MYH9: variants seen among roughly 807,000 people sequenced by gnomAD.
MYH9 encodes the protein myosin heavy chain 9, also known as myosin-9.
MYH9 carries 29 observed loss-of-function variants against 241.9 expected under a neutral mutation model. The ratio of observed to expected loss-of-function variants is 0.12; its 90% confidence interval spans 0.09 to 0.16. MYH9 has a LOEUF of 0.16. Among genes scored for constraint, MYH9 ranks in the 10% least tolerant of loss-of-function variants. The pLI, the probability that MYH9 is intolerant of heterozygous loss-of-function variation, is 1.00. For missense variants in MYH9, 1,803 were observed against 2,595.5 expected (o/e 0.69, Z 6.63); for synonymous variants, 1,047 against 1,062.6 (o/e 0.99, Z 0.29).
chr22:36,328,928 G>C (rs908347775), intron 3 of MYH9: 1 of 152,348 alleles, frequency 6.6e-6, no homozygotes, highest in Non-Finnish European at 1.5e-5. Context: ...GACCAGCTAG[G>C]CTGCCTGCCT....
At position 36,303,929 on chromosome 22, in the gene MYH9, C is replaced by A. The variant is rs539651968; in HGVS notation, c.2390+66G>T. The A allele has an allele frequency of 9.4e-6, 15 of 1,593,898 alleles. No individual in the cohort carries two copies. In the African/African-American group the frequency reaches 1.9e-4, roughly 20 times the overall value. On this transcript the variant is annotated intron_variant, in intron 19 of 40. Coordinates refer to ENST00000216181, the MANE Select transcript of MYH9 (RefSeq NM_002473.6). ...CTGCAGCGGGGTGGCCTGCTAAGTG[C>A]CCTTTGGCAACAGAAGGGCGTGGCA...
chr22:36,360,769 A>G (rs940386548), intron 1 of MYH9, among the ~76,000 whole-genome samples: 6 of 152,054 alleles, frequency 3.9e-5, no homozygotes, highest in African/African-American at 1.4e-4. Context: ...CCATCCCAGG[A>G]ATATCCTGCA....
intron 1 of MYH9, among the ~76,000 whole-genome samples, chr22:36,349,535 G>C (rs1349402598): frequency 6.6e-6 from 1 of 152,158 alleles, no homozygotes; most frequent in Non-Finnish European, 1.5e-5. Flanking sequence ...TTCAAGACCA[G>C]CCTGGCCAAC....
At chr22:36,371,314 C>T (rs9610497) in intron 1 of MYH9, among the ~76,000 whole-genome samples, 58,807 of 151,916 alleles carry the variant, frequency 0.39, 14,185 homozygotes, top group Non-Finnish European at 0.55. Flanking sequence ...CCTTATAAGA[C>T]GAGGAAGAGA....
Position 36,320,529 on chromosome 22 carries a change from ACT to A in MYH9, c.869-168_869-167del, listed in dbSNP as rs1178501589. 2.0e-5 allele frequency among the ~76,000 whole-genome samples: 3 copies of A among 151,996 alleles called. No homozygotes were observed. The highest frequency in any genetic ancestry group is 7.3e-5 in the African/African-American group (3 of 41,364). ...CGTTCAGCTTTCCTCAGTGTCTGAGACTCTGACACTCCCGTCTCCTGGCCCAG... is the reference window on the plus strand; with the variant it reads ...CGTTCAGCTTTCCTCAGTGTCTGAGACTGACACTCCCGTCTCCTGGCCCAG... On this transcript the variant is annotated intron_variant, in intron 8 of 40. Coordinates refer to ENST00000216181, the MANE Select transcript of MYH9 (RefSeq NM_002473.6). This position sits in a 1 kb window ranked among gnomAD's most constrained non-coding sequence, Gnocchi z 4.8.
intron 31 of MYH9, 60 bp downstream of exon 31, chr22:36,291,926 G>T: frequency 1.9e-6 from 3 of 1,611,816 alleles, no homozygotes; most frequent in South Asian, 2.2e-5. Flanking sequence ...TGGGCCCTTT[G>T]CTTTGGACTC....
Position 36,300,961 on chromosome 22 carries a change from T to G in MYH9, c.2728A>C (p.Lys910Gln), listed in dbSNP as rs554332083. 8.0e-5 allele frequency: 129 copies of G among 1,611,630 alleles called. 1 individual carries two copies. In the South Asian group the frequency reaches 1.4e-3, roughly 17 times the overall value. Residue 910 changes from lysine (K) to glutamine (Q), a missense_variant, in exon 22 of 41, where the codon AAG becomes CAG. Around this residue, in one of 11 missense-constraint regions of MYH9, gnomAD observed 290 missense variants for 360.5 expected, o/e 0.80. Transcript: ENST00000216181. This position sits in a 1 kb window ranked among gnomAD's most constrained non-coding sequence, Gnocchi z 5.0. The part of the protein sequence containing the change: ...EELRARLTAK[K>Q]QELEEICHDL... ...TGGCAGATCTCTTCTAATTCCTGCT[T>G]CTTGGCGGTCAGGCGGGCCCGGAGC...
chr22:36,291,845 G>A, intron 31 of MYH9, 141 bp downstream of exon 31: 1 of 1,231,670 alleles, frequency 8.1e-7, no homozygotes, highest in Non-Finnish European at 1.1e-6. Context: ...CAGAGCCTGA[G>A]GGTCCTCTAA....
chr22:36,309,714 T>C (rs1177726829), intron 14 of MYH9, among the ~76,000 whole-genome samples: 1 of 152,342 alleles, frequency 6.6e-6, no homozygotes, highest in Non-Finnish European at 1.5e-5. Context: ...TTAGGTAATA[T>C]GAACAAAGAA....
intron 1 of MYH9, among the ~76,000 whole-genome samples, chr22:36,373,211 A>C (rs2018115357): frequency 6.6e-6 from 1 of 152,106 alleles, no homozygotes; most frequent in Admixed American, 6.5e-5. Context: ...TGGCCTTCCG[A>C]CTTTGGAAGA....
In MYH9 at chr22:36,295,418, G is replaced by C. The variant is rs1027420719; in HGVS notation, c.3485+87C>G. ...AGGGCCACGGTGTGTGTGTGTGTGT[G>C]TGTGCAGAGGCCCGGGGTCCATGTC... On this transcript the variant is annotated intron_variant, in intron 26 of 40. Transcript: ENST00000216181. The surrounding 1 kb of genome is among the most constrained non-coding windows in gnomAD (Gnocchi z 4.1). The C allele has an allele frequency of 1.9e-6, 2 of 1,037,194 alleles. No individual in the cohort carries two copies. Among genetic ancestry groups the C allele is most frequent in the African/African-American group, 3.1e-5 (2 of 63,600 alleles). 64.2% of individuals were successfully genotyped at this position (1,037,194 alleles called of 1,614,324 possible).
chr22:36,293,786 C>T lies in MYH9; in HGVS notation c.3915G>A (p.Ala1305=), dbSNP rs183685723. The T allele has an allele frequency of 2.9e-5, 46 of 1,613,816 alleles. No individual in the cohort carries two copies. Among genetic ancestry groups the T allele is most frequent in the Admixed American group, 1.2e-4 (7 of 60,004 alleles). ...KSSKLTKDFS[A]LESQLQDTQE... ...GAGTGTCCTGCAGCTGGGACTCCAG[C>T]GCGGAGAAGTCCTTGGTGAGCTTGC... The change falls in exon 29 of 41, where the codon GCG becomes GCA. Residue 1305 remains alanine, a synonymous_variant. Transcript: ENST00000216181. The surrounding 1 kb of genome is among the most constrained non-coding windows in gnomAD (Gnocchi z 5.1).
Position 36,329,891 on chromosome 22 carries a change from G to A in MYH9, c.491-2403C>T, listed in dbSNP as rs891396396. Reference sequence around the variant, plus strand: ...TGCACAGAAATACATGCGCACACACGTGTGCAAAGCCATATACATAGATCC... The same window carrying A: ...TGCACAGAAATACATGCGCACACACATGTGCAAAGCCATATACATAGATCC... On this transcript the variant is annotated intron_variant, in intron 3 of 40. Coordinates refer to ENST00000216181, the MANE Select transcript of MYH9 (RefSeq NM_002473.6). This position sits in a 1 kb window ranked among gnomAD's most constrained non-coding sequence, Gnocchi z 4.1. 6.6e-6 allele frequency among the ~76,000 whole-genome samples: 1 copy of A among 152,080 alleles called. No individual in the cohort carries two copies. Among genetic ancestry groups the A allele is most frequent in the African/African-American group, 2.4e-5 (1 of 41,370 alleles).
chr22:36,339,354 G>A (rs1249522499), intron 3 of MYH9, among the ~76,000 whole-genome samples: 2 of 152,166 alleles, frequency 1.3e-5, no homozygotes, highest in Non-Finnish European at 2.9e-5. Context: ...TAAGAGAGCT[G>A]GGAGCAAACT....
intron 1 of MYH9, among the ~76,000 whole-genome samples, chr22:36,356,992 T>G (rs1235300507): frequency 6.6e-6 from 1 of 152,270 alleles, no homozygotes; most frequent in Non-Finnish European, 1.5e-5. Context: ...ATGCAGATAA[T>G]ATTTTATGCT....
At chr22:36,357,107 AG>A (rs2017868385) in intron 1 of MYH9, among the ~76,000 whole-genome samples, 2 of 152,264 alleles carry the variant, frequency 1.3e-5, no homozygotes, top group African/African-American at 2.4e-5. Context: ...GCAGAGAGGA[AG>A]AACCACGTCA....
In MYH9 at chr22:36,291,029, G is replaced by A. The variant is rs529977694; in HGVS notation, c.4344+957C>T. ...TGGGAAGTGAGGAGCGTCTCCGCCCGGCAGCCACCCCATCCGGGAGGGAGG... is the reference window on the plus strand; with the variant it reads ...TGGGAAGTGAGGAGCGTCTCCGCCCAGCAGCCACCCCATCCGGGAGGGAGG... On this transcript the variant is annotated intron_variant, in intron 31 of 40. Transcript: ENST00000216181. Among the ~76,000 whole-genome samples, 21 of 150,754 alleles carry A rather than the reference G, an allele frequency of 1.4e-4. No individual in the cohort carries two copies. In the South Asian group the frequency reaches 3.6e-3, roughly 26 times the overall value.
intron 35 of MYH9, 62 bp from the exon 36 acceptor site, chr22:36,286,015 C>T: frequency 6.3e-7 from 1 of 1,576,304 alleles, no homozygotes; most frequent in Non-Finnish European, 8.6e-7. Flanking sequence ...CCATCCTTCC[C>T]AGCCCCAGGC....
Position 36,297,064 on chromosome 22 carries a change from T to C in MYH9, c.3101-50A>G, listed in dbSNP as rs1229619248. ...AGCCCTCAGTGCCATGGGTTCTGTC[T>C]CCGTGTCAATTACTTATACAAAATA... On this transcript the variant is annotated intron_variant, in intron 24 of 40. Transcript: ENST00000216181. 3.1e-6 allele frequency: 5 copies of C among 1,590,932 alleles called. No individual in the cohort carries two copies. In the Admixed American group the frequency reaches 6.7e-5, roughly 21 times the overall value.
Sources: gnomAD v4.1 joint callset for allele counts (sites outside exome capture counted in the v4.1 genomes callset) on GRCh38, gnomAD v4.1.1 for gene constraint, gnomAD v4.1.1 regional missense constraint, Gnocchi (gnomAD v3.1) non-coding constraint, MANE v1.5 for transcripts, NCBI Gene and HGNC (gene_info 2026-07-23, HGNC 2026-07-21) for gene names.